LMX1B: variants seen among roughly 807,000 people sequenced by gnomAD.
LMX1B encodes LIM homeobox transcription factor 1 beta, also known as LIM homeobox transcription factor 1-beta.
A neutral mutation model predicts 51.4 loss-of-function variants in LMX1B; 12 were observed. The ratio of observed to expected loss-of-function variants is 0.23; its 90% CI spans 0.15 to 0.38. The LOEUF (loss-of-function observed/expected upper bound fraction) is 0.38, where lower values mean the gene tolerates loss of function less well. Among genes scored for constraint, LMX1B ranks in the 10% least tolerant of loss-of-function variants. The probability of loss-of-function intolerance (pLI) is 1.00; values close to 1 mark genes in which losing one functional copy is unlikely to be tolerated. For missense variants in LMX1B, 445 were observed against 571.1 expected, an observed-to-expected ratio of 0.78 and a Z score of 2.25; for synonymous variants, 237 against 235.4, an observed-to-expected ratio of 1.01 and a Z score of -0.06.
intron 2 of LMX1B, among the ~76,000 whole-genome samples, chr9:126,683,904 C>T (rs1836723906): frequency 6.6e-6 from 1 of 152,152 alleles, no homozygotes; most frequent in African/African-American, 2.4e-5. Flanking sequence ...TGTTATGTCA[C>T]CTTTTCCAAG....
intron 2 of LMX1B, among the ~76,000 whole-genome samples, chr9:126,646,403 CCCATCCAT>C (rs55688235): frequency 4.0e-5 from 6 of 151,622 alleles, no homozygotes; most frequent in African/African-American, 9.7e-5. Context: ...CATCAATCTA[CCCATCCAT>C]CCATCCATCC....
intron 2 of LMX1B, among the ~76,000 whole-genome samples, chr9:126,675,228 C>T (rs971082174): frequency 3.9e-5 from 6 of 152,136 alleles, no homozygotes; most frequent in African/African-American, 9.7e-5. Context: ...CAGATGCACT[C>T]GGCTTGGTGT....
chr9:126,614,299 T>G lies in LMX1B; in HGVS notation c.-151T>G. The G allele has an allele frequency of 3.1e-6, 1 of 325,478 alleles. No homozygotes were observed. Among genetic ancestry groups the G allele is most frequent in the African/African-American group, 2.3e-5 (1 of 43,130 alleles). 20.2% of individuals were successfully genotyped at this position (325,478 alleles called of 1,614,324 possible). On this transcript the variant is annotated 5_prime_UTR_variant, in exon 1 of 8. Transcript: ENST00000373474. Reference sequence around the variant, plus strand: ...GACGCCGGGGCCCGGGGCCAGCGCGTCGCCGCTCCACGATCGCCGGGGGCC... The same window carrying G: ...GACGCCGGGGCCCGGGGCCAGCGCGGCGCCGCTCCACGATCGCCGGGGGCC...
intron 2 of LMX1B, among the ~76,000 whole-genome samples, chr9:126,619,008 C>T (rs556248617): frequency 6.6e-6 from 1 of 151,990 alleles, no homozygotes; most frequent in Non-Finnish European, 1.5e-5. Flanking sequence ...CCCGGGCGGC[C>T]GAGCCTCTCG....
chr9:126,656,383 TTAGATAGATAGATAGATAGATAGATAGA>T lies in LMX1B; in HGVS notation c.327-34425_327-34398del, dbSNP rs3052900. On this transcript the variant is annotated intron_variant, in intron 2 of 7. Coordinates refer to ENST00000373474, the MANE Select transcript of LMX1B (RefSeq NM_001174147.2). ...TGGGCAACATAGTGAGATCTGGTCTTTAGATAGATAGATAGATAGATAGATAGATAGATAGATAGATAGATAGATAGAT... is the reference window on the plus strand; with the variant it reads ...TGGGCAACATAGTGAGATCTGGTCTTTAGATAGATAGATAGATAGATAGAT... 7.6e-5 allele frequency among the ~76,000 whole-genome samples: 11 copies of T among 143,972 alleles called. No individual in the cohort carries two copies. The South Asian group carries it at 1.2e-3, about 15-fold the overall frequency. The allele number at this position is 143,972 out of a possible 152,430, so 94.5% of individuals were successfully genotyped here. A position where few individuals can be genotyped will look rare whatever the true frequency, so the allele number is the denominator to read the frequency against.
intron 2 of LMX1B, among the ~76,000 whole-genome samples, chr9:126,667,421 C>G (rs1221170598): frequency 3.9e-5 from 6 of 152,234 alleles, no homozygotes; most frequent in African/African-American, 1.4e-4. Flanking sequence ...TCACACACAC[C>G]ATACATCAGT....
In LMX1B at chr9:126,696,889, G is replaced by C. The variant is rs140325479; in HGVS notation, c.*438G>C. On this transcript the variant is annotated 3_prime_UTR_variant, in exon 8 of 8. Coordinates refer to ENST00000373474, the MANE Select transcript of LMX1B (RefSeq NM_001174147.2). ...AGCGTGTGTACCTGTGCCCCAGCAA[G>C]GGCAGGGGTGGCCTCTGGGGGCAGG... The C allele has an allele frequency of 1.0e-3, 221 of 211,872 alleles. 1 individual carries two copies. Among genetic ancestry groups the C allele is most frequent in the Non-Finnish European group, 1.9e-3 (201 of 104,668 alleles). 13.1% of individuals were successfully genotyped at this position (211,872 alleles called of 1,614,324 possible). A position where few individuals can be genotyped will look rare whatever the true frequency, so the allele number is the denominator to read the frequency against.
chr9:126,627,128 C>G (rs1329368691), intron 2 of LMX1B, among the ~76,000 whole-genome samples: 2 of 152,146 alleles, frequency 1.3e-5, no homozygotes, highest in Non-Finnish European at 1.5e-5. Context: ...TCAGGAGGAG[C>G]CTGATGTGCC....
In LMX1B at chr9:126,671,687, G is replaced by C. The variant is rs1053770071; in HGVS notation, c.327-19149G>C. Among the ~76,000 whole-genome samples, 8 of 152,066 alleles carry C rather than the reference G, an allele frequency of 5.3e-5. No individual in the cohort carries two copies. The highest frequency in any genetic ancestry group is 5.2e-4 in the Admixed American group (8 of 15,272). On this transcript the variant is annotated intron_variant, in intron 2 of 7. Coordinates refer to ENST00000373474, the MANE Select transcript of LMX1B (RefSeq NM_001174147.2). The surrounding 1 kb of genome is among the most constrained non-coding windows in gnomAD (Gnocchi z 4.4). ...GAGGTCAGCGGGCCTGCCCTGTGCC[G>C]AGCGGTGGAATTTTTCAATAACCAG...
chr9:126,682,821 G>A (rs1836699803), intron 2 of LMX1B, among the ~76,000 whole-genome samples: 1 of 151,452 alleles, frequency 6.6e-6, no homozygotes, highest in Non-Finnish European at 1.5e-5. Context: ...CTTGAACCCA[G>A]GAGGCGGAGG....
intron 2 of LMX1B, among the ~76,000 whole-genome samples, chr9:126,653,626 C>T (rs970487332): frequency 1.3e-5 from 2 of 152,182 alleles, no homozygotes; most frequent in African/African-American, 4.8e-5. Context: ...ACTTAGACTT[C>T]TCCAGTGTTG....
Position 126,696,016 on chromosome 9 carries a change from A to ACCACC in LMX1B, c.1051+15_1051+16insACCCC. 2 of 1,512,702 alleles carry ACCACC rather than the reference A, an allele frequency of 1.3e-6. No homozygotes were observed. The highest frequency in any genetic ancestry group is 1.9e-5 in the Admixed American group (1 of 53,044). 93.7% of individuals were successfully genotyped at this position (1,512,702 alleles called of 1,614,324 possible). A position where few individuals can be genotyped will look rare whatever the true frequency, so the allele number is the denominator to read the frequency against. ...ATGAACCCCTATGGTAAGCCGCCCT[A>ACCACC]CCCCCACCCGCCCGCCCCAGCACAG... On this transcript the variant is annotated intron_variant, in intron 7 of 7. Coordinates refer to ENST00000373474, the MANE Select transcript of LMX1B (RefSeq NM_001174147.2).
rs1054803063 is a variant in LMX1B at position 126,658,389 on chromosome 9, C to T, written c.327-32447C>T. Among the ~76,000 whole-genome samples, 8 of 148,902 alleles carry T rather than the reference C, an allele frequency of 5.4e-5. No homozygotes were observed. Among genetic ancestry groups the T allele is most frequent in the African/African-American group, 2.0e-4 (8 of 40,190 alleles). On this transcript the variant is annotated intron_variant, in intron 2 of 7. Transcript: ENST00000373474. The surrounding 1 kb of genome is among the most constrained non-coding windows in gnomAD (Gnocchi z 4.0). ...ATTCGGCTGGCCCTCCCCCTGGCTG[C>T]CGGGCCCGGGCACCCCTGCTGCTGA...
At chr9:126,636,954 C>T (rs963893328) in intron 2 of LMX1B, among the ~76,000 whole-genome samples, 3 of 152,200 alleles carry the variant, frequency 2.0e-5, no homozygotes, top group Non-Finnish European at 4.4e-5. Flanking sequence ...GCCATACTCC[C>T]TGGGTGGGAC....
intron 2 of LMX1B, among the ~76,000 whole-genome samples, chr9:126,686,679 A>G (rs375623385): frequency 6.6e-6 from 1 of 152,210 alleles, no homozygotes; most frequent in African/African-American, 2.4e-5. Context: ...GGGTAAGGGC[A>G]GCTTATGAGC....
chr9:126,619,043 C>T (rs1456799456), intron 2 of LMX1B, among the ~76,000 whole-genome samples: 1 of 152,108 alleles, frequency 6.6e-6, no homozygotes, highest in Non-Finnish European at 1.5e-5. Context: ...AGGGCTCCGC[C>T]GGGCCCGCTG....
intron 2 of LMX1B, among the ~76,000 whole-genome samples, chr9:126,628,944 T>G (rs1397029173): frequency 6.6e-6 from 1 of 152,094 alleles, no homozygotes; most frequent in Non-Finnish European, 1.5e-5. Context: ...CATCGTGTTT[T>G]TATTAAAAAC....
chr9:126,645,044 C>T (rs899364823), intron 2 of LMX1B, among the ~76,000 whole-genome samples: 8 of 152,202 alleles, frequency 5.3e-5, no homozygotes, highest in Non-Finnish European at 8.8e-5. Context: ...CCTGGCCCAG[C>T]GGCATAGGCG....
chr9:126,642,770 T>G (rs1215360239), intron 2 of LMX1B, among the ~76,000 whole-genome samples: 2 of 152,228 alleles, frequency 1.3e-5, no homozygotes, highest in Non-Finnish European at 2.9e-5. Flanking sequence ...CTTGGAGGCA[T>G]GAGACAGACT....
Sources: gnomAD v4.1 joint callset for allele counts (sites outside exome capture counted in the v4.1 genomes callset) on GRCh38, gnomAD v4.1.1 for gene constraint, Gnocchi (gnomAD v3.1) non-coding constraint, MANE v1.5 for transcripts, NCBI Gene and HGNC (gene_info 2026-07-23, HGNC 2026-07-21) for gene names.